The following CD200R1 variants were observed in gnomAD, a reference collection of about 807,000 sequenced individuals.
CD200R1 encodes the protein cell surface glycoprotein CD200 receptor 1.
A neutral mutation model predicts 38.1 loss-of-function variants in CD200R1; 30 were observed. The ratio of observed to expected loss-of-function variants is 0.79; its 90% CI spans 0.59 to 1.07. The LOEUF is 1.07. Among genes scored for constraint, CD200R1 ranks in the 50% least tolerant of loss-of-function variants. The pLI, the probability that CD200R1 is intolerant of heterozygous loss-of-function variation, is 0.00. For synonymous variants in CD200R1, 128 were observed against 152.1 expected, an observed-to-expected ratio of 0.84 and a Z score of 1.16; for missense variants, 372 against 415.4, an observed-to-expected ratio of 0.90 and a Z score of 0.91.
intron 1 of CD200R1, among the ~76,000 whole-genome samples, chr3:112,958,041 T>C (rs1941141247): frequency 6.6e-6 from 1 of 152,172 alleles, no homozygotes; most frequent in African/African-American, 2.4e-5. Flanking sequence ...CTAGTGGGAA[T>C]GTAAAATAAT....
intron 5 of CD200R1, among the ~76,000 whole-genome samples, chr3:112,927,274 C>T (rs1170040308): frequency 6.6e-6 from 1 of 152,104 alleles, no homozygotes; most frequent in Non-Finnish European, 1.5e-5. Flanking sequence ...ACATATTGCT[C>T]CCTCCTTTCC....
chr3:112,968,724 T>A (rs1933226574), intron 1 of CD200R1, among the ~76,000 whole-genome samples: 1 of 152,208 alleles, frequency 6.6e-6, no homozygotes, highest in African/African-American at 2.4e-5. Context: ...AAATTCTGCA[T>A]ACACTCTACC....
At chr3:112,926,472 C>CT (rs1289517600) in intron 5 of CD200R1, among the ~76,000 whole-genome samples, 1 of 152,168 alleles carries the variant, frequency 6.6e-6, no homozygotes, top group African/African-American at 2.4e-5. Context: ...TAAATTTGTA[C>CT]TAGCAGAAGC....
At chr3:112,946,279 G>C (rs1485320459) in intron 2 of CD200R1, among the ~76,000 whole-genome samples, 1 of 152,162 alleles carries the variant, frequency 6.6e-6, no homozygotes. Flanking sequence ...TGGACTCAAT[G>C]TAGTAAGGCA....
At chr3:112,948,350 A>C (rs1940908718) in intron 1 of CD200R1, among the ~76,000 whole-genome samples, 1 of 152,196 alleles carries the variant, frequency 6.6e-6, no homozygotes, top group Admixed American at 6.5e-5. Context: ...ACATCATAGA[A>C]TCTATGATGG....
intron 2 of CD200R1, among the ~76,000 whole-genome samples, chr3:112,944,297 A>G (rs545458713): frequency 5.9e-5 from 9 of 152,120 alleles, no homozygotes; most frequent in Admixed American, 3.9e-4. Flanking sequence ...TATTCCATGA[A>G]CAACTGGGGT....
chr3:112,961,091 T>C (rs1933004566), intron 1 of CD200R1, among the ~76,000 whole-genome samples: 1 of 152,064 alleles, frequency 6.6e-6, no homozygotes, highest in African/African-American at 2.4e-5. Flanking sequence ...CTCAAAGTTC[T>C]GGCAGAGACA....
intron 2 of CD200R1, among the ~76,000 whole-genome samples, chr3:112,945,110 A>G (rs1226944131): frequency 6.6e-6 from 1 of 152,236 alleles, no homozygotes; most frequent in East Asian, 1.9e-4. Context: ...ATGTTCACAG[A>G]TAGGGTGAAT....
intron 1 of CD200R1, among the ~76,000 whole-genome samples, chr3:112,956,215 T>C (rs922710009): frequency 1.3e-5 from 2 of 152,124 alleles, no homozygotes; most frequent in Non-Finnish European, 2.9e-5. Flanking sequence ...TTCTTTTTTT[T>C]CTCCTATGAC....
intron 1 of CD200R1, among the ~76,000 whole-genome samples, chr3:112,966,756 GA>G (rs560610684): frequency 1.2e-3 from 181 of 146,404 alleles, no homozygotes; most frequent in South Asian, 1.9e-3. Context: ...TATGTTGGTA[GA>G]AAAAAAAAAA....
chr3:112,965,659 GC>G (rs1378802867), intron 1 of CD200R1, among the ~76,000 whole-genome samples: 1 of 152,170 alleles, frequency 6.6e-6, no homozygotes, highest in East Asian at 1.9e-4. Context: ...TCCTCGGGAG[GC>G]TAAGGCAGGA....
At chr3:112,959,223 A>G (rs1426721837) in intron 1 of CD200R1, among the ~76,000 whole-genome samples, 1 of 152,132 alleles carries the variant, frequency 6.6e-6, no homozygotes, top group East Asian at 1.9e-4. Flanking sequence ...GCTAATATTC[A>G]TGTATTATTT....
intron 2 of CD200R1, among the ~76,000 whole-genome samples, chr3:112,933,829 G>T (rs1428609157): frequency 1.3e-5 from 2 of 151,922 alleles, no homozygotes; most frequent in Non-Finnish European, 2.9e-5. Context: ...AGAAGTCAAT[G>T]AATGAAATAA....
intron 1 of CD200R1, among the ~76,000 whole-genome samples, chr3:112,958,065 G>A (rs1941141751): frequency 6.6e-6 from 1 of 151,986 alleles, no homozygotes; most frequent in South Asian, 2.1e-4. Context: ...AACTACACTG[G>A]TATATTTCTG....
intron 1 of CD200R1, among the ~76,000 whole-genome samples, chr3:112,949,220 C>G (rs1218917363): frequency 6.6e-6 from 1 of 152,220 alleles, no homozygotes; most frequent in East Asian, 1.9e-4. Flanking sequence ...TCGGCAGGCT[C>G]TAACTGTGCA....
intron 2 of CD200R1, among the ~76,000 whole-genome samples, chr3:112,935,620 A>T (rs536981203): frequency 5.3e-5 from 8 of 152,196 alleles, no homozygotes; most frequent in Non-Finnish European, 8.8e-5. Context: ...AAATCCCTAC[A>T]TCAAAAAAGT....
At chr3:112,939,976 T>C (rs116051836) in intron 2 of CD200R1, among the ~76,000 whole-genome samples, 3,617 of 149,864 alleles carry the variant, frequency 0.024, 53 homozygotes, top group South Asian at 0.048. Context: ...AACCGACACA[T>C]AGAAAAATGG....
chr3:112,931,055 A>AGTT (rs751617786), intron 3 of CD200R1, 51 bp downstream of exon 3: 1 of 1,284,500 alleles, frequency 7.8e-7, no homozygotes, highest in East Asian at 2.3e-5. Context: ...TTTCTAAGGA[A>AGTT]GTTCAACTTT....
chr3:112,949,618 T>C (rs1940933896), intron 1 of CD200R1, among the ~76,000 whole-genome samples: 1 of 152,212 alleles, frequency 6.6e-6, no homozygotes, highest in Non-Finnish European at 1.5e-5. Flanking sequence ...TTAGTGCAAG[T>C]AAGTCTTACT....
Sources: allele counts gnomAD v4.1 joint callset (sites outside exome capture counted in the v4.1 genomes callset), GRCh38; gene constraint gnomAD v4.1.1; transcripts MANE v1.5; gene names NCBI Gene and HGNC (gene_info 2026-07-23, HGNC 2026-07-21).